RAB20: variants seen among roughly 807,000 people sequenced by gnomAD.
The protein encoded by RAB20 is ras-related protein Rab-20.
Under a neutral mutation model 3.7 loss-of-function variants are expected in RAB20, and 2 were observed. The ratio of observed to expected loss-of-function variants is 0.54; its 90% CI spans 0.22 to 1.69. The LOEUF (loss-of-function observed/expected upper bound fraction) is 1.69. RAB20 is among the 40% of genes most tolerant of loss of function. The pLI is 0.19. For synonymous variants in RAB20, 126 were observed against 130.8 expected, an observed-to-expected ratio of 0.96 and a Z score of 0.25; for missense variants, 276 against 311.9, an observed-to-expected ratio of 0.88 and a Z score of 0.87.
intron 1 of RAB20, among the ~76,000 whole-genome samples, chr13:110,533,694 G>C (rs1444015103): frequency 6.7e-6 from 1 of 148,528 alleles, no homozygotes; most frequent in East Asian, 2.0e-4. Flanking sequence ...CTCAAAAAGA[G>C]AGAATGGGAT....
rs1231482007 is a variant in RAB20, at chr13:110,527,938, CACACAT to C, written c.173-3747_173-3742del. ...ACACACACACACACACACACACACA[CACACAT>C]ACACTTTAATTAGCCAGGCATGGTG... On this transcript the variant is annotated intron_variant, in intron 1 of 1. Coordinates refer to ENST00000267328, the MANE Select transcript of RAB20 (RefSeq NM_017817.3). 7.6e-3 allele frequency among the ~76,000 whole-genome samples: 1,062 copies of C among 139,294 alleles called. 11 individuals carry two copies. Among genetic ancestry groups the C allele is most frequent in the African/African-American group, 0.031 (962 of 31,036 alleles). 91.4% of individuals were successfully genotyped at this position (139,294 alleles called of 152,430 possible).
At chr13:110,533,583 G>A (rs1884585537) in intron 1 of RAB20, among the ~76,000 whole-genome samples, 1 of 152,172 alleles carries the variant, frequency 6.6e-6, no homozygotes, top group South Asian at 2.1e-4. Context: ...CTACTCTGAG[G>A]AGGCTGAGGC....
chr13:110,540,151 C>T lies in RAB20; in HGVS notation c.173-15954G>A, dbSNP rs554398336. ...TACTCAGAGATGTTCTTTAACACTC[C>T]GATATTAACAGAAACAGGCAAGTCC... is the stretch of plus-strand genomic sequence containing the variant. On this transcript the variant is annotated intron_variant, in intron 1 of 1. Transcript: ENST00000267328. Among the ~76,000 whole-genome samples the T allele has an allele frequency of 7.2e-5, 11 of 152,312 alleles. No individual in the cohort carries two copies. The East Asian group carries it at 1.5e-3, about 21-fold the overall frequency.
intron 1 of RAB20, among the ~76,000 whole-genome samples, chr13:110,554,472 G>A (rs1010176411): frequency 2.0e-5 from 3 of 152,146 alleles, no homozygotes; most frequent in Non-Finnish European, 2.9e-5. Context: ...CCTCTCATTC[G>A]GCACCTTCAC....
intron 1 of RAB20, among the ~76,000 whole-genome samples, chr13:110,541,196 T>TGGTCAC (rs1874814934): frequency 6.6e-6 from 1 of 152,174 alleles, no homozygotes; most frequent in Non-Finnish European, 1.5e-5. Flanking sequence ...ACTCTCCACC[T>TGGTCAC]GGTCACGGTC....
At chr13:110,550,564 G>A (rs1040490871) in intron 1 of RAB20, among the ~76,000 whole-genome samples, 5 of 152,112 alleles carry the variant, frequency 3.3e-5, no homozygotes, top group Admixed American at 1.3e-4. Flanking sequence ...TCCACTGCTC[G>A]CTGTGTGGGA....
At chr13:110,550,589 T>C (rs1026125903) in intron 1 of RAB20, among the ~76,000 whole-genome samples, 2 of 152,134 alleles carry the variant, frequency 1.3e-5, no homozygotes, top group South Asian at 2.1e-4. Flanking sequence ...CCCTACACCT[T>C]TGCTCACAGG....
At chr13:110,541,468 AC>A (rs1201008019) in intron 1 of RAB20, among the ~76,000 whole-genome samples, 1 of 152,222 alleles carries the variant, frequency 6.6e-6, no homozygotes, top group Non-Finnish European at 1.5e-5. Context: ...TAGCAATACA[AC>A]TGCCACATGA....
At chr13:110,534,741 C>T (rs1047171999) in intron 1 of RAB20, among the ~76,000 whole-genome samples, 4 of 152,192 alleles carry the variant, frequency 2.6e-5, no homozygotes, top group African/African-American at 9.7e-5. Context: ...ATCATAAATG[C>T]ACAAGTCCTC....
At chr13:110,531,600 T>C (rs1372685968) in intron 1 of RAB20, among the ~76,000 whole-genome samples, 1 of 152,188 alleles carries the variant, frequency 6.6e-6, no homozygotes, top group Non-Finnish European at 1.5e-5. Flanking sequence ...ACAGGTGAAC[T>C]GGCTGGAGCT....
intron 1 of RAB20, among the ~76,000 whole-genome samples, chr13:110,540,833 A>C (rs1036641924): frequency 1.4e-4 from 21 of 152,174 alleles, no homozygotes; most frequent in African/African-American, 4.1e-4. Context: ...ATATATACGT[A>C]TCTCTCTCAC....
chr13:110,543,661 C>T (rs1443456843), intron 1 of RAB20, among the ~76,000 whole-genome samples: 1 of 151,944 alleles, frequency 6.6e-6, no homozygotes, highest in African/African-American at 2.4e-5. Context: ...TTTCTGGAGT[C>T]ACATAAAAAA....
intron 1 of RAB20, among the ~76,000 whole-genome samples, chr13:110,543,890 C>G (rs1566588543): frequency 6.6e-6 from 1 of 151,794 alleles, no homozygotes; most frequent in Admixed American, 6.6e-5. Context: ...ATTCTCCTGC[C>G]TTGGCCTCCT....
intron 1 of RAB20, among the ~76,000 whole-genome samples, chr13:110,525,774 G>A (rs574741760): frequency 1.5e-4 from 23 of 152,218 alleles, no homozygotes; most frequent in Non-Finnish European, 2.1e-4. Flanking sequence ...CACATCTGCC[G>A]CACTGGGGGG....
intron 1 of RAB20, among the ~76,000 whole-genome samples, chr13:110,534,068 T>C (rs1452362537): frequency 6.6e-6 from 1 of 152,216 alleles, no homozygotes; most frequent in Admixed American, 6.5e-5. Flanking sequence ...GGTCCTGCAC[T>C]AGCCTGGACA....
chr13:110,547,095 A>G (rs1251959063), intron 1 of RAB20, among the ~76,000 whole-genome samples: 2 of 152,322 alleles, frequency 1.3e-5, no homozygotes, highest in Non-Finnish European at 2.9e-5. Flanking sequence ...TCAAGGACTC[A>G]TATGTCAGAA....
chr13:110,554,618 G>A (rs1355486120), intron 1 of RAB20, among the ~76,000 whole-genome samples: 2 of 152,184 alleles, frequency 1.3e-5, no homozygotes, highest in Non-Finnish European at 2.9e-5. Flanking sequence ...CCAGGCCCAA[G>A]ATTTCATAAC....
chr13:110,523,949 C>A lies in RAB20; in HGVS notation c.421G>T (p.Val141Phe), dbSNP rs1336859011. 1.9e-6 allele frequency: 3 copies of A among 1,614,076 alleles called. No homozygotes were observed. In the African/African-American group the frequency reaches 4.0e-5, roughly 22 times the overall value. ...ACCTGCTTAGGTGCCCTTGGGGAGA[C>A]ACGGTCCCCAGCGTCCATATTGGGA... ...CSPNMDAGDR[V>F]SPRAPKQVQL... Residue 141 changes from valine to phenylalanine, a missense_variant, in exon 2 of 2, where the codon GTC becomes TTC. By Grantham distance (50) the Val-to-Phe change is conservative (BLOSUM62 -1). Coordinates refer to ENST00000267328, the MANE Select transcript of RAB20 (RefSeq NM_017817.3).
At chr13:110,540,054 A>C (rs964009066) in intron 1 of RAB20, among the ~76,000 whole-genome samples, 2 of 152,260 alleles carry the variant, frequency 1.3e-5, no homozygotes, top group African/African-American at 4.8e-5. Flanking sequence ...AAGCAGGAAG[A>C]AGCTTAGTTC....
Sources: gnomAD v4.1 joint callset for allele counts (sites outside exome capture counted in the v4.1 genomes callset) on GRCh38, gnomAD v4.1.1 for gene constraint, MANE v1.5 for transcripts, NCBI Gene and HGNC (gene_info 2026-07-23, HGNC 2026-07-21) for gene names.